Variants in CSMD3 observed in about 807,000 individuals in gnomAD.
CSMD3 encodes CUB and Sushi multiple domains 3.
CSMD3 carries 177 observed loss-of-function variants against 435.2 expected under a neutral mutation model. The observed-to-expected ratio is 0.41, with a 90% CI of 0.36 to 0.46. The LOEUF is 0.46. CSMD3 is among the 20% of genes least tolerant of loss of function. The pLI, the probability that CSMD3 is intolerant of heterozygous loss-of-function variation, is 0.34. For synonymous variants in CSMD3, 1,656 were observed against 1,520.5 expected (o/e 1.09, Z -2.07); for missense variants, 4,265 against 4,504.6 (o/e 0.95, Z 1.52).
chr8:112,613,673 A>G (rs1833439169), intron 22 of CSMD3, among the ~76,000 whole-genome samples: 1 of 152,160 alleles, frequency 6.6e-6, no homozygotes, highest in South Asian at 2.1e-4. Context: ...CATTCATCTC[A>G]CAAATATTTG....
intron 3 of CSMD3, among the ~76,000 whole-genome samples, chr8:113,233,396 C>T (rs1372557879): frequency 1.3e-5 from 2 of 150,208 alleles, no homozygotes; most frequent in Non-Finnish European, 3.0e-5. Flanking sequence ...ATAAAATGTT[C>T]CTAGAAATTA....
chr8:112,977,832 G>A lies in CSMD3; in HGVS notation c.1031-1684C>T, dbSNP rs547204593. On this transcript the variant is annotated intron_variant, in intron 6 of 70. Coordinates refer to ENST00000297405, the MANE Select transcript of CSMD3 (RefSeq NM_198123.2). ...TATTTCATAGATCAGAATCTACTAA[G>A]TTCACATTGGTTATATAAATCAGGT... is the stretch of plus-strand genomic sequence containing the variant. 5.3e-5 allele frequency among the ~76,000 whole-genome samples: 8 copies of A among 152,070 alleles called. No individual in the cohort carries two copies. The South Asian group carries it at 1.7e-3, about 32-fold the overall frequency.
chr8:113,297,967 T>A (rs2093734869), intron 2 of CSMD3, among the ~76,000 whole-genome samples: 1 of 152,036 alleles, frequency 6.6e-6, no homozygotes, highest in Admixed American at 6.6e-5. Flanking sequence ...ATGTAGCAAA[T>A]TAAAATTTGT....
chr8:113,356,630 C>T (rs2094230468), intron 1 of CSMD3, among the ~76,000 whole-genome samples: 2 of 151,974 alleles, frequency 1.3e-5, no homozygotes, highest in Non-Finnish European at 2.9e-5. Context: ...TACTTATTCT[C>T]ACTAAGAACA....
chr8:113,039,079 C>A (rs1315758719), intron 5 of CSMD3, among the ~76,000 whole-genome samples: 2 of 151,706 alleles, frequency 1.3e-5, no homozygotes, highest in Non-Finnish European at 2.9e-5. Flanking sequence ...CTATGAAATC[C>A]TTTGAATTAC....
intron 13 of CSMD3, among the ~76,000 whole-genome samples, chr8:112,785,750 G>A (rs955682553): frequency 2.6e-5 from 4 of 151,714 alleles, no homozygotes; most frequent in African/African-American, 9.7e-5. Context: ...TCTCTACAAT[G>A]AAAATTATAA....
At chr8:112,285,034 C>T (rs1819040071) in intron 58 of CSMD3, among the ~76,000 whole-genome samples, 1 of 151,722 alleles carries the variant, frequency 6.6e-6, no homozygotes, top group South Asian at 2.1e-4. Context: ...CTGTTCATAT[C>T]CTTTATCCAT....
intron 13 of CSMD3, among the ~76,000 whole-genome samples, chr8:112,774,068 T>C (rs990542232): frequency 1.3e-5 from 2 of 152,008 alleles, no homozygotes. Flanking sequence ...ATATCAGCTA[T>C]GGAAACTCAT....
chr8:112,266,306 T>A (rs2130424969), intron 59 of CSMD3, among the ~76,000 whole-genome samples: 1 of 152,112 alleles, frequency 6.6e-6, no homozygotes, highest in South Asian at 2.1e-4. Flanking sequence ...ATGAGCTGGG[T>A]GGAGGGTGTC....
chr8:113,420,930 G>C (rs905578486), intron 1 of CSMD3, among the ~76,000 whole-genome samples: 7 of 149,034 alleles, frequency 4.7e-5, no homozygotes, highest in African/African-American at 1.5e-4. Flanking sequence ...ATGAGATTCC[G>C]TTTAAAAAAA....
intron 7 of CSMD3, among the ~76,000 whole-genome samples, chr8:112,972,433 T>C (rs989774): frequency 0.57 from 86,757 of 151,446 alleles, 25,891 homozygotes; most frequent in East Asian, 0.95. Flanking sequence ...TGGTTAATTA[T>C]AAAATTATTT....
chr8:113,404,845 T>C (rs2094525590), intron 1 of CSMD3, among the ~76,000 whole-genome samples: 1 of 151,486 alleles, frequency 6.6e-6, no homozygotes, highest in Non-Finnish European at 1.5e-5. Context: ...ATTTTCCTAC[T>C]GCAGATTAAA....
intron 1 of CSMD3, among the ~76,000 whole-genome samples, chr8:113,426,240 T>C (rs981143406): frequency 6.6e-6 from 1 of 151,422 alleles, no homozygotes; most frequent in Non-Finnish European, 1.5e-5. Flanking sequence ...CTTCTGATAA[T>C]GGATTCAGAG....
intron 6 of CSMD3, among the ~76,000 whole-genome samples, chr8:113,002,586 T>G (rs1369979586): frequency 6.6e-6 from 1 of 152,120 alleles, no homozygotes; most frequent in Non-Finnish European, 1.5e-5. Context: ...GCCTTCACTG[T>G]CTTGATGAGA....
At chr8:113,072,779 G>A (rs1202983339) in intron 5 of CSMD3, among the ~76,000 whole-genome samples, 1 of 151,250 alleles carries the variant, frequency 6.6e-6, no homozygotes, top group East Asian at 2.0e-4. Context: ...TAGCTGATGA[G>A]CAAATTTCAA....
At chr8:112,494,494 C>T (rs1470805828) in intron 30 of CSMD3, among the ~76,000 whole-genome samples, 12 of 40,174 alleles carry the variant, frequency 3.0e-4, no homozygotes, top group African/African-American at 7.0e-4. Flanking sequence ...TTCTTTCTCT[C>T]CTTTCTTTCT....
chr8:112,487,317 A>G (rs1005151554), intron 31 of CSMD3, among the ~76,000 whole-genome samples: 4 of 152,200 alleles, frequency 2.6e-5, no homozygotes, highest in African/African-American at 9.7e-5. Flanking sequence ...ATGCCTGAAG[A>G]AAACAAGAGA....
chr8:112,846,004 A>C (rs1375259872), intron 11 of CSMD3, among the ~76,000 whole-genome samples: 8 of 151,996 alleles, frequency 5.3e-5, no homozygotes, highest in Non-Finnish European at 8.8e-5. Context: ...GGGGAGGATA[A>C]AGTTTCAAGG....
chr8:112,805,109 T>C (rs2079053934), intron 12 of CSMD3, among the ~76,000 whole-genome samples: 1 of 152,156 alleles, frequency 6.6e-6, no homozygotes, highest in African/African-American at 2.4e-5. Context: ...ATATTGGGAA[T>C]AGGTTTTCTT....
Sources: allele counts gnomAD v4.1 joint callset (sites outside exome capture counted in the v4.1 genomes callset), GRCh38; gene constraint gnomAD v4.1.1; transcripts MANE v1.5; gene names NCBI Gene and HGNC (gene_info 2026-07-23, HGNC 2026-07-21).